Variants in MXRA8 observed in about 807,000 individuals in gnomAD.
The protein encoded by MXRA8 is matrix remodeling-associated protein 8.
MXRA8 carries 44 observed loss-of-function variants against 51.4 expected under a neutral mutation model. The observed-to-expected ratio is 0.86, with a 90% CI of 0.67 to 1.10. MXRA8 has a LOEUF of 1.10. Among genes scored for constraint, MXRA8 ranks in the 50% least tolerant of loss-of-function variants. The pLI is 0.00. For missense variants in MXRA8, 765 were observed against 638.9 expected (o/e 1.20, Z -2.13); for synonymous variants, 369 against 293.5 (o/e 1.26, Z -2.63).
At chr1:1,356,576 C>T (rs1644137535) in intron 2 of MXRA8, 105 bp downstream of exon 2, 1 of 664,902 alleles carries the variant, frequency 1.5e-6, no homozygotes, top group Admixed American at 6.5e-5. Flanking sequence ...AAGGGGGAAT[C>T]AGTGGGGGAG....
upstream of MXRA8, among the ~76,000 whole-genome samples, chr1:1,360,293 C>T (rs563854188): frequency 6.6e-6 from 1 of 152,240 alleles, no homozygotes; most frequent in South Asian, 2.1e-4. Context: ...CTGGGGGCAG[C>T]TGACCCCCAT....
At chr1:1,361,512 C>T (rs543724370), upstream of MXRA8, 24 of 561,662 alleles carry the variant, frequency 4.3e-5, no homozygotes, top group Admixed American at 1.8e-4. Context: ...AAATGCCAGG[C>T]GAGGCCTGAG....
chr1:1,357,545 G>A (rs1280133415), intron 1 of MXRA8, among the ~76,000 whole-genome samples: 4 of 152,160 alleles, frequency 2.6e-5, no homozygotes, highest in Non-Finnish European at 4.4e-5. Flanking sequence ...GGTGGCTCAC[G>A]CCTGTAATCC....
chr1:1,354,940 G>T lies in MXRA8; in HGVS notation c.691C>A (p.Arg231Ser), dbSNP rs1644090044. 6.2e-7 allele frequency: 1 copy of T among 1,602,374 alleles called. No individual in the cohort carries two copies. Among genetic ancestry groups the T allele is most frequent in the Non-Finnish European group, 8.5e-7 (1 of 1,175,440 alleles). Residue 231 changes from arginine to serine, a missense_variant, in exon 5 of 10, where the codon CGC becomes AGC. Physicochemically the swap from Arg to Ser is moderately radical, Grantham distance 110. Coordinates refer to ENST00000309212, the MANE Select transcript of MXRA8 (RefSeq NM_032348.4). ...AGAAAAAGGGGCCCGTAGGCGCGGC[G>T]CTCGCCCGACGCGTAGAGGTCCAGC... ...RLLDLYASGE[R>S]RAYGPLFLRD... is the part of the protein sequence containing the mutation.
intron 1 of MXRA8, among the ~76,000 whole-genome samples, 195 bp from the exon 2 acceptor site, chr1:1,356,899 C>T (rs935262544): frequency 2.0e-5 from 3 of 152,162 alleles, no homozygotes; most frequent in Non-Finnish European, 4.4e-5. Context: ...ATGGCACCTG[C>T]CCTTGAGTGG....
At chr1:1,355,793 C>A (rs1644115369) in intron 2 of MXRA8, 41 bp from the exon 3 acceptor site, 1 of 1,136,024 alleles carries the variant, frequency 8.8e-7, no homozygotes, top group Non-Finnish European at 1.1e-6. Context: ...GGGTGGGCCC[C>A]CTAGGGCCCT....
Position 1,353,437 on chromosome 1 carries a change from C to T in MXRA8, c.*167G>A, listed in dbSNP as rs1325370620. 4.6e-6 allele frequency: 7 copies of T among 1,510,824 alleles called. No individual in the cohort carries two copies. Among genetic ancestry groups the T allele is most frequent in the African/African-American group, 2.8e-5 (2 of 71,418 alleles). 93.6% of individuals were successfully genotyped at this position (1,510,824 alleles called of 1,614,324 possible). On this transcript the variant is annotated 3_prime_UTR_variant, in exon 10 of 10. Transcript: ENST00000309212. ...GTGGGGGCTATGCTGCCACCAAGCC[C>T]CTGGGAGAGGGGTGTGGAGGCGGCC...
intron 5 of MXRA8, 75 bp from the exon 6 acceptor site, chr1:1,354,584 C>A: frequency 6.4e-7 from 1 of 1,564,194 alleles, no homozygotes; most frequent in African/African-American, 1.4e-5. Flanking sequence ...ACGGCCCCCG[C>A]TGGGATCCGC....
Position 1,353,196 on chromosome 1 carries a change from CAGCCCCCGACGAGCAG to C in MXRA8, c.*392_*407del. On this transcript the variant is annotated 3_prime_UTR_variant, in exon 10 of 10. Coordinates refer to ENST00000309212, the MANE Select transcript of MXRA8 (RefSeq NM_032348.4). ...AGTGTCCTCCTCCAGGAACATCTCCCAGCCCCCGACGAGCAGAGCCCTGGAGGAGTGGGACTCCTGC... is the reference window on the plus strand; with the variant it reads ...AGTGTCCTCCTCCAGGAACATCTCCCAGCCCTGGAGGAGTGGGACTCCTGC... The C allele has an allele frequency of 8.2e-7, 1 of 1,216,660 alleles. No homozygotes were observed. 75.4% of individuals were successfully genotyped at this position (1,216,660 alleles called of 1,614,324 possible).
chr1:1,358,724 G>T, upstream of MXRA8: 1 of 1,374,554 alleles, frequency 7.3e-7, no homozygotes, highest in Non-Finnish European at 9.4e-7. Context: ...CAGAGGCCCA[G>T]CCCCTCACCG....
intron 5 of MXRA8, 75 bp downstream of exon 5, chr1:1,354,607 A>T: frequency 6.4e-7 from 1 of 1,550,998 alleles, no homozygotes; most frequent in Non-Finnish European, 8.7e-7. Flanking sequence ...GCCTCGGGCA[A>T]GGGACAGCGG....
chr1:1,353,663 GTCC>G (rs1197330269), intron 9 of MXRA8, 34 bp from the exon 10 acceptor site: 6 of 1,548,892 alleles, frequency 3.9e-6, no homozygotes, highest in East Asian at 2.4e-5. Flanking sequence ...GTTGGCGGCT[GTCC>G]TCCACCCTCA....
upstream of MXRA8, among the ~76,000 whole-genome samples, chr1:1,362,170 G>T (rs1644230210): frequency 6.6e-6 from 1 of 152,174 alleles, no homozygotes; most frequent in Non-Finnish European, 1.5e-5. Flanking sequence ...GCTGTCTGTG[G>T]ATCCCAGATC....
intron 5 of MXRA8, 24 bp from the exon 6 acceptor site, chr1:1,354,533 C>T: frequency 1.2e-6 from 2 of 1,606,860 alleles, no homozygotes; most frequent in Admixed American, 1.7e-5. Context: ...GGGGTCGGGG[C>T]GGCGTCAGGT....
Position 1,354,269 on chromosome 1 carries a change from C to T in MXRA8, c.1106-37G>A, listed in dbSNP as rs534083376. On this transcript the variant is annotated intron_variant, in intron 6 of 9. Transcript: ENST00000309212. ...ACTCACATTGGGGGCAGTGCCGCCC[C>T]TTCCGCAGGTCCCCCAGCCCAGAGG... The T allele has an allele frequency of 3.7e-6, 6 of 1,606,624 alleles. No homozygotes were observed. In the African/African-American group the frequency reaches 5.3e-5, roughly 14 times the overall value.
chr1:1,363,202 G>T (rs1210880682), upstream of MXRA8, among the ~76,000 whole-genome samples: 2 of 152,154 alleles, frequency 1.3e-5, no homozygotes, highest in African/African-American at 4.8e-5. Flanking sequence ...AGAACTGCTT[G>T]AACCTGGGAG....
chr1:1,361,001 C>T (rs557732587), upstream of MXRA8, among the ~76,000 whole-genome samples: 7 of 151,696 alleles, frequency 4.6e-5, no homozygotes, highest in East Asian at 1.4e-3. Flanking sequence ...CACATGCACA[C>T]ACGCGAAGAC....
chr1:1,357,766 C>T (rs954426388), intron 1 of MXRA8, among the ~76,000 whole-genome samples: 11 of 152,270 alleles, frequency 7.2e-5, no homozygotes, highest in African/African-American at 2.6e-4. Flanking sequence ...GCCGAGATCA[C>T]GCCACTGCAC....
Position 1,356,716 on chromosome 1 carries a change from G to A in MXRA8, c.50-12C>T. The A allele has an allele frequency of 7.1e-7, 1 of 1,413,976 alleles. No individual in the cohort carries two copies. The allele number at this position is 1,413,976 out of a possible 1,614,324, so 87.6% of individuals were successfully genotyped here. A position where few individuals can be genotyped will look rare whatever the true frequency, so the allele number is the denominator to read the frequency against. On this transcript the variant is annotated splice_polypyrimidine_tract_variant and intron_variant, in intron 1 of 9. Coordinates refer to ENST00000309212, the MANE Select transcript of MXRA8 (RefSeq NM_032348.4). ...GAGAACAGCAGAGCCTGGAAGGAGA[G>A]GAGTGAGCTGGAGAGGCCACCCACA...
Sources: allele counts gnomAD v4.1 joint callset (sites outside exome capture counted in the v4.1 genomes callset), GRCh38; gene constraint gnomAD v4.1.1; transcripts MANE v1.5; gene names NCBI Gene and HGNC (gene_info 2026-07-23, HGNC 2026-07-21).